ANKS1B: variants seen among roughly 807,000 people sequenced by gnomAD.
The protein encoded by ANKS1B is ankyrin repeat and sterile alpha motif domain-containing protein 1B.
Under a neutral mutation model 148.3 loss-of-function variants are expected in ANKS1B, and 36 were observed. The observed-to-expected ratio is 0.24, with a 90% CI of 0.19 to 0.32. ANKS1B has a LOEUF of 0.32. Among genes scored for constraint, ANKS1B ranks in the 10% least tolerant of loss-of-function variants. The pLI is 1.00. For synonymous variants in ANKS1B, 542 were observed against 560.8 expected (o/e 0.97, Z 0.47); for missense variants, 1,157 against 1,542.6 (o/e 0.75, Z 4.19).
chr12:99,345,034 C>A (rs1592739655), intron 12 of ANKS1B: 1 of 152,088 alleles, frequency 6.6e-6, no homozygotes, highest in Non-Finnish European at 1.5e-5. Flanking sequence ...ATGTCCTTTC[C>A]AATTCTGAAA....
At chr12:99,517,905 T>A (rs1228243885) in intron 9 of ANKS1B, among the ~76,000 whole-genome samples, 1 of 151,950 alleles carries the variant, frequency 6.6e-6, no homozygotes, top group Non-Finnish European at 1.5e-5. Context: ...TATACTCAGT[T>A]TTTTGAAGGT....
intron 17 of ANKS1B, among the ~76,000 whole-genome samples, chr12:98,880,117 A>G (rs1214251883): frequency 6.6e-6 from 1 of 152,244 alleles, no homozygotes; most frequent in African/African-American, 2.4e-5. Flanking sequence ...ACCTTCGGAA[A>G]GCTACAAAAT....
At chr12:99,002,488 C>CTTTT (rs140934941) in intron 17 of ANKS1B, among the ~76,000 whole-genome samples, 1 of 147,488 alleles carries the variant, frequency 6.8e-6, no homozygotes, top group African/African-American at 2.5e-5. Flanking sequence ...GTACTTATCT[C>CTTTT]TCTTTTTTTT....
chr12:99,447,999 A>G (rs1008226802), intron 10 of ANKS1B, among the ~76,000 whole-genome samples: 5 of 152,216 alleles, frequency 3.3e-5, no homozygotes, highest in East Asian at 3.9e-4. Flanking sequence ...GTACACTGTT[A>G]ATGGGAAGGT....
intron 9 of ANKS1B, among the ~76,000 whole-genome samples, chr12:99,521,668 A>G (rs1205854910): frequency 6.6e-6 from 1 of 151,892 alleles, no homozygotes; most frequent in African/African-American, 2.4e-5. Flanking sequence ...CCAGGCAGAG[A>G]CTCTTGTTCT....
chr12:98,791,831 G>A (rs1368992036), intron 22 of ANKS1B, among the ~76,000 whole-genome samples: 2 of 152,204 alleles, frequency 1.3e-5, no homozygotes, highest in African/African-American at 4.8e-5. Flanking sequence ...GTCACAGAAG[G>A]AATTTGTATG....
chr12:99,822,400 A>G (rs1005773984), intron 2 of ANKS1B, among the ~76,000 whole-genome samples: 1 of 152,124 alleles, frequency 6.6e-6, no homozygotes, highest in Non-Finnish European at 1.5e-5. Flanking sequence ...AATTTATCCC[A>G]TCACCTTGAT....
intron 8 of ANKS1B, among the ~76,000 whole-genome samples, chr12:99,705,736 G>C (rs1403936347): frequency 6.6e-6 from 1 of 152,078 alleles, no homozygotes; most frequent in East Asian, 1.9e-4. Context: ...CCAAATGATG[G>C]AGAAGAATTG....
chr12:99,978,019 C>T (rs1397681586), intron 1 of ANKS1B, among the ~76,000 whole-genome samples: 2 of 152,150 alleles, frequency 1.3e-5, no homozygotes, highest in Non-Finnish European at 2.9e-5. Context: ...TAGTCAGCTT[C>T]CATTTCTAGT....
intron 14 of ANKS1B, among the ~76,000 whole-genome samples, chr12:99,156,555 C>T (rs2076077204): frequency 6.6e-6 from 1 of 152,162 alleles, no homozygotes; most frequent in African/African-American, 2.4e-5. Context: ...TCCACTGCCC[C>T]AGACAGGCAG....
chr12:99,902,836 C>T (rs1397248221), intron 1 of ANKS1B, among the ~76,000 whole-genome samples: 2 of 151,796 alleles, frequency 1.3e-5, no homozygotes, highest in Non-Finnish European at 1.5e-5. Flanking sequence ...TTGCAACCTC[C>T]ACCTCCTGGG....
At chr12:99,748,392 T>C (rs1263996131) in intron 8 of ANKS1B, among the ~76,000 whole-genome samples, 1 of 151,596 alleles carries the variant, frequency 6.6e-6, no homozygotes, top group Non-Finnish European at 1.5e-5. Context: ...TGCCTAAAAT[T>C]GGCTTGAGAA....
intron 1 of ANKS1B, among the ~76,000 whole-genome samples, chr12:99,904,123 A>C (rs750356102): frequency 6.6e-6 from 1 of 151,986 alleles, no homozygotes; most frequent in Non-Finnish European, 1.5e-5. Flanking sequence ...TGTGTCTCTT[A>C]TCCCGAGAGT....
chr12:99,965,380 C>G (rs970937802), intron 1 of ANKS1B, among the ~76,000 whole-genome samples: 2 of 152,064 alleles, frequency 1.3e-5, no homozygotes, highest in African/African-American at 4.8e-5. Flanking sequence ...AACCATGAGT[C>G]CACACTGATA....
intron 1 of ANKS1B, among the ~76,000 whole-genome samples, chr12:99,966,380 A>G (rs1184326774): frequency 2.0e-5 from 3 of 152,190 alleles, no homozygotes; most frequent in Non-Finnish European, 4.4e-5. Context: ...ATAATATGTG[A>G]TTATTTCAAA....
intron 2 of ANKS1B, among the ~76,000 whole-genome samples, chr12:99,823,477 T>G (rs548855461): frequency 3.9e-5 from 6 of 152,240 alleles, no homozygotes; most frequent in African/African-American, 1.4e-4. Flanking sequence ...AGCTAATTTT[T>G]GTAATTTTAG....
chr12:99,953,306 CAAT>C (rs1415520850), intron 1 of ANKS1B, among the ~76,000 whole-genome samples: 3 of 152,078 alleles, frequency 2.0e-5, no homozygotes, highest in African/African-American at 7.2e-5. Flanking sequence ...AAAAGACAAT[CAAT>C]GATATCAAAT....
At chr12:99,646,963 T>TA (rs1036637599) in intron 9 of ANKS1B, among the ~76,000 whole-genome samples, 3 of 149,222 alleles carry the variant, frequency 2.0e-5, no homozygotes, top group African/African-American at 7.4e-5. Context: ...AGTCAAAACA[T>TA]AAAATTTATC....
At chr12:99,134,361 G>A (rs2153769530) in intron 15 of ANKS1B, among the ~76,000 whole-genome samples, 1 of 152,262 alleles carries the variant, frequency 6.6e-6, no homozygotes, top group Non-Finnish European at 1.5e-5. Flanking sequence ...GTGGAAAGAT[G>A]ATGCAGTGGG....
Sources: allele counts gnomAD v4.1 joint callset (sites outside exome capture counted in the v4.1 genomes callset), GRCh38; gene constraint gnomAD v4.1.1; transcripts MANE v1.5; gene names NCBI Gene and HGNC (gene_info 2026-07-23, HGNC 2026-07-21).